The following DTNA variants were observed in gnomAD, a reference collection of about 807,000 sequenced individuals.
DTNA encodes dystrophin-related protein 3.
A neutral mutation model predicts 100.7 loss-of-function variants in DTNA; 43 were observed. The ratio of observed to expected loss-of-function variants is 0.43; its 90% confidence interval spans 0.33 to 0.55. The LOEUF is 0.55. Among genes scored for constraint, DTNA ranks in the 20% least tolerant of loss-of-function variants. The pLI, the probability that DTNA is intolerant of heterozygous loss-of-function variation, is 0.04. For missense variants in DTNA, 798 were observed against 953.9 expected, an observed-to-expected ratio of 0.84 and a Z score of 2.15; for synonymous variants, 349 against 347.9, an observed-to-expected ratio of 1.00 and a Z score of -0.04.
intron 1 of DTNA, among the ~76,000 whole-genome samples, chr18:34,737,505 A>G (rs747673374): frequency 6.6e-6 from 1 of 152,126 alleles, no homozygotes; most frequent in African/African-American, 2.4e-5. Flanking sequence ...AATCATCTGT[A>G]TAGTGTCCTC....
At chr18:34,605,639 A>G (rs2052914753) in intron 1 of DTNA, among the ~76,000 whole-genome samples, 1 of 121,310 alleles carries the variant, frequency 8.2e-6, no homozygotes, top group Non-Finnish European at 1.8e-5. Context: ...TCAGGCACAC[A>G]CACACACACA....
intron 1 of DTNA, among the ~76,000 whole-genome samples, chr18:34,743,913 T>C (rs1205031213): frequency 6.6e-6 from 1 of 152,042 alleles, no homozygotes; most frequent in East Asian, 1.9e-4. Context: ...TCATCTGCCG[T>C]TGACCCTCTC....
chr18:34,804,573 G>T (rs1233049459), intron 4 of DTNA, among the ~76,000 whole-genome samples: 1 of 152,096 alleles, frequency 6.6e-6, no homozygotes, highest in South Asian at 2.1e-4. Context: ...AATCAAAGGC[G>T]ACCCCAACTC....
At chr18:34,863,866 G>T in intron 16 of DTNA, 100 bp from the exon 17 acceptor site, 1 of 1,141,400 alleles carries the variant, frequency 8.8e-7, no homozygotes, top group Non-Finnish European at 1.3e-6. Flanking sequence ...GAGACCCAGA[G>T]ATGCCCTTTT....
At chr18:34,760,663 G>A (rs143267481) in intron 2 of DTNA, among the ~76,000 whole-genome samples, 343 of 152,252 alleles carry the variant, frequency 2.3e-3, no homozygotes, top group African/African-American at 8.1e-3. Context: ...CAAAGCCTGC[G>A]GTCTTTGAAC....
intron 1 of DTNA, among the ~76,000 whole-genome samples, chr18:34,717,619 C>T (rs2084316192): frequency 6.6e-6 from 1 of 152,024 alleles, no homozygotes; most frequent in Admixed American, 6.6e-5. Flanking sequence ...TGGACACTGA[C>T]ATTGAAAAGA....
intron 13 of DTNA, among the ~76,000 whole-genome samples, chr18:34,841,302 C>T (rs2096263981): frequency 6.6e-6 from 1 of 152,136 alleles, no homozygotes; most frequent in Non-Finnish European, 1.5e-5. Context: ...TGGATGCCTC[C>T]TTCACACTGC....
chr18:34,817,054 T>C (rs1215625414), intron 7 of DTNA, among the ~76,000 whole-genome samples: 1 of 152,228 alleles, frequency 6.6e-6, no homozygotes, highest in African/African-American at 2.4e-5. Flanking sequence ...GTTCTAGAAC[T>C]AGTCATTTTC....
intron 1 of DTNA, among the ~76,000 whole-genome samples, chr18:34,673,133 C>A (rs1008143554): frequency 6.6e-6 from 1 of 152,064 alleles, no homozygotes; most frequent in African/African-American, 2.4e-5. Context: ...GTCACTCAGG[C>A]TGAAATGCAG....
intron 1 of DTNA, among the ~76,000 whole-genome samples, chr18:34,699,374 GCCT>G (rs2081057508): frequency 6.6e-6 from 1 of 152,120 alleles, no homozygotes; most frequent in African/African-American, 2.4e-5. Flanking sequence ...CTCTTGCTCA[GCCT>G]TTTGTTTTAT....
At chr18:34,583,030 C>CAGA (rs1367574623) in intron 1 of DTNA, among the ~76,000 whole-genome samples, 1 of 152,042 alleles carries the variant, frequency 6.6e-6, no homozygotes, top group Non-Finnish European at 1.5e-5. Flanking sequence ...ATAGTTTAGG[C>CAGA]AGAAGTTCAA....
intron 1 of DTNA, among the ~76,000 whole-genome samples, chr18:34,566,252 G>A (rs2047074176): frequency 1.3e-5 from 2 of 151,762 alleles, no homozygotes; most frequent in African/African-American, 2.4e-5. Context: ...AGAGAAGGGT[G>A]GCATAGGAGA....
chr18:34,809,089 CA>C (rs1282210583), intron 5 of DTNA, among the ~76,000 whole-genome samples: 1 of 152,106 alleles, frequency 6.6e-6, no homozygotes. Context: ...AATTTGGTCA[CA>C]AAAATCTCTC....
chr18:34,535,421 A>T (rs1373734241), intron 1 of DTNA, among the ~76,000 whole-genome samples: 1 of 151,692 alleles, frequency 6.6e-6, no homozygotes, highest in African/African-American at 2.4e-5. Flanking sequence ...GATTGCAAAA[A>T]TTTTCTCCCA....
intron 13 of DTNA, among the ~76,000 whole-genome samples, chr18:34,846,487 G>T (rs1371646134): frequency 6.6e-6 from 1 of 152,080 alleles, no homozygotes; most frequent in Non-Finnish European, 1.5e-5. Flanking sequence ...TCTGAGGAGG[G>T]AGAAATCAGT....
chr18:34,643,978 G>T (rs997332186), intron 1 of DTNA, among the ~76,000 whole-genome samples: 1 of 151,990 alleles, frequency 6.6e-6, no homozygotes, highest in South Asian at 2.1e-4. Flanking sequence ...TTTTTCTTCA[G>T]CTGTATATTA....
chr18:34,777,762 G>T (rs752506577), intron 3 of DTNA, among the ~76,000 whole-genome samples: 14 of 152,264 alleles, frequency 9.2e-5, no homozygotes, highest in Non-Finnish European at 1.9e-4. Flanking sequence ...CAGCATGGGG[G>T]AAACTGCCCC....
intron 1 of DTNA, among the ~76,000 whole-genome samples, chr18:34,604,982 A>T (rs1008479578): frequency 6.6e-6 from 1 of 151,916 alleles, no homozygotes; most frequent in Non-Finnish European, 1.5e-5. Flanking sequence ...GGTCATTCAT[A>T]TATACCAACT....
intron 15 of DTNA, among the ~76,000 whole-genome samples, chr18:34,852,327 T>C (rs898497272): frequency 8.6e-5 from 13 of 151,840 alleles, no homozygotes; most frequent in African/African-American, 3.1e-4. Context: ...GGAAGGACCC[T>C]GAGCTAAAGA....
Sources: allele counts gnomAD v4.1 joint callset (sites outside exome capture counted in the v4.1 genomes callset), GRCh38; gene constraint gnomAD v4.1.1; transcripts MANE v1.5; gene names NCBI Gene and HGNC (gene_info 2026-07-23, HGNC 2026-07-21).